Variants in POLD3 observed in about 807,000 individuals in gnomAD.
POLD3 encodes the protein DNA polymerase delta 3, accessory subunit, also known as DNA polymerase delta subunit 3.
A neutral mutation model predicts 58.2 loss-of-function variants in POLD3; 19 were observed. The observed-to-expected ratio is 0.33, with a 90% CI of 0.23 to 0.48. POLD3 has a LOEUF of 0.48. Among genes scored for constraint, POLD3 ranks in the 20% least tolerant of loss-of-function variants. The pLI is 0.99. For synonymous variants in POLD3, 172 were observed against 193.5 expected, an observed-to-expected ratio of 0.89 and a Z score of 0.92; for missense variants, 504 against 545.5, an observed-to-expected ratio of 0.92 and a Z score of 0.76.
At chr11:74,656,565 C>T (rs545414111) in intron 4 of POLD3, among the ~76,000 whole-genome samples, 44 of 151,100 alleles carry the variant, frequency 2.9e-4, no homozygotes, top group Non-Finnish European at 5.4e-4. Context: ...CCAGCCTGGA[C>T]GACAGAATGA....
At chr11:74,651,464 G>T (rs555304215) in intron 4 of POLD3, among the ~76,000 whole-genome samples, 1 of 152,134 alleles carries the variant, frequency 6.6e-6, no homozygotes, top group African/African-American at 2.4e-5. Flanking sequence ...GAAACAGAAC[G>T]TGCTCTCAAG....
chr11:74,648,356 T>G (rs1202803745), intron 4 of POLD3, among the ~76,000 whole-genome samples: 1 of 152,194 alleles, frequency 6.6e-6, no homozygotes, highest in Non-Finnish European at 1.5e-5. Flanking sequence ...ACATTTGAAC[T>G]CTAGTCTTTC....
In POLD3 at chr11:74,641,242, C is replaced by T. The variant is rs539905919; in HGVS notation, c.*476C>T. 7 of 985,416 alleles carry T rather than the reference C, an allele frequency of 7.1e-6. No homozygotes were observed. Among genetic ancestry groups the T allele is most frequent in the African/African-American group, 1.7e-5 (1 of 57,234 alleles). The allele number at this position is 985,416 out of a possible 1,614,324, so 61.0% of individuals were successfully genotyped here. A position where few individuals can be genotyped will look rare whatever the true frequency, so the allele number is the denominator to read the frequency against. Reference sequence around the variant, plus strand: ...TCTTCCTGCAGTACCACACTTCTGTCCCCTAACCTCCTGAGGCTGTTCTCT... The same window carrying T: ...TCTTCCTGCAGTACCACACTTCTGTTCCCTAACCTCCTGAGGCTGTTCTCT... On this transcript the variant is annotated 3_prime_UTR_variant, in exon 12 of 12. Transcript: ENST00000263681.
chr11:74,666,291 T>C (rs111466244), intron 4 of POLD3, among the ~76,000 whole-genome samples: 226 of 152,312 alleles, frequency 1.5e-3, no homozygotes, highest in African/African-American at 5.0e-3. Flanking sequence ...GCCTTTCCCA[T>C]CTTGTTTGTC....
chr11:74,660,237 C>T (rs2033188681), intron 4 of POLD3, among the ~76,000 whole-genome samples: 1 of 152,190 alleles, frequency 6.6e-6, no homozygotes. Flanking sequence ...ATTAAATTAT[C>T]TCCTCCTGGG....
intron 4 of POLD3, among the ~76,000 whole-genome samples, chr11:74,650,137 T>G (rs919510268): frequency 2.0e-5 from 3 of 152,226 alleles, no homozygotes; most frequent in African/African-American, 7.2e-5. Flanking sequence ...TTTTATTGTT[T>G]CAGAGTAATG....
intron 2 of POLD3, among the ~76,000 whole-genome samples, chr11:74,600,675 T>C (rs1158755870): frequency 1.3e-5 from 2 of 151,528 alleles, no homozygotes; most frequent in Non-Finnish European, 2.9e-5. Flanking sequence ...ATAAAACATG[T>C]TTTAAAGACT....
At chr11:74,660,332 G>C (rs979816557) in intron 4 of POLD3, among the ~76,000 whole-genome samples, 1 of 152,184 alleles carries the variant, frequency 6.6e-6, no homozygotes, top group South Asian at 2.1e-4. Context: ...TATCAGTATT[G>C]ATATCTTTCT....
rs1014975069 is a variant in POLD3, at chr11:74,641,787, C to T, written c.*1021C>T. On this transcript the variant is annotated 3_prime_UTR_variant, in exon 12 of 12. Transcript: ENST00000263681. Reference sequence around the variant, plus strand: ...CACATTTATTTATAAATGGATGTTGCTCCTTTGTATTTTTAGCTTCCCTAT... The same window carrying T: ...CACATTTATTTATAAATGGATGTTGTTCCTTTGTATTTTTAGCTTCCCTAT... 1.0e-6 allele frequency: 1 copy of T among 985,004 alleles called. No individual in the cohort carries two copies. The highest frequency in any genetic ancestry group is 1.7e-5 in the African/African-American group (1 of 57,344). The allele number at this position is 985,004 out of a possible 1,614,324, so 61.0% of individuals were successfully genotyped here. A position where few individuals can be genotyped will look rare whatever the true frequency, so the allele number is the denominator to read the frequency against.
intron 5 of POLD3, among the ~76,000 whole-genome samples, chr11:74,617,959 T>A (rs72977302): frequency 0.038 from 5,818 of 152,276 alleles, 167 homozygotes; most frequent in Non-Finnish European, 0.054. Context: ...GCTTAAGCGA[T>A]CCGCCCGCCT....
intron 5 of POLD3, among the ~76,000 whole-genome samples, chr11:74,616,550 A>G (rs2135145413): frequency 6.6e-6 from 1 of 152,360 alleles, no homozygotes. Flanking sequence ...GAAATAAAAC[A>G]TTACTCTTTT....
chr11:74,656,224 A>G (rs919044730), intron 4 of POLD3, among the ~76,000 whole-genome samples: 11 of 152,188 alleles, frequency 7.2e-5, no homozygotes, highest in African/African-American at 2.7e-4. Flanking sequence ...TAGCTATAAA[A>G]TTCCCTCTTA....
In POLD3 at chr11:74,594,263, G is replaced by A. The variant is rs114185410; in HGVS notation, c.116+147G>A. 1,623 of 610,420 alleles carry A rather than the reference G, an allele frequency of 2.7e-3. 17 individuals are homozygous for A. The African/African-American group carries it at 0.027, about 10-fold the overall frequency. The allele number at this position is 610,420 out of a possible 1,614,324, so 37.8% of individuals were successfully genotyped here. ...TTGGTATTTCTTGGCTTGTAGCTGCGTAATTCCAATCTCTGCCTTCATTGT... is the reference window on the plus strand; with the variant it reads ...TTGGTATTTCTTGGCTTGTAGCTGCATAATTCCAATCTCTGCCTTCATTGT... On this transcript the variant is annotated intron_variant, in intron 2 of 11. Coordinates refer to ENST00000263681, the MANE Select transcript of POLD3 (RefSeq NM_006591.3).
intron 8 of POLD3, among the ~76,000 whole-genome samples, chr11:74,625,871 T>TTGTGTGTGTG (rs56365420): frequency 0.12 from 17,720 of 143,362 alleles, 1,213 homozygotes; most frequent in Admixed American, 0.21. Context: ...GTGTGCCTAG[T>TTGTGTGTGTG]TGTGTGTGTG....
chr11:74,663,319 G>T (rs1024042259), intron 4 of POLD3, among the ~76,000 whole-genome samples: 3 of 152,226 alleles, frequency 2.0e-5, no homozygotes, highest in Non-Finnish European at 4.4e-5. Context: ...GGATCAATAG[G>T]TTCAAAGCAA....
chr11:74,658,550 A>G (rs954801610), intron 4 of POLD3, among the ~76,000 whole-genome samples: 6 of 152,304 alleles, frequency 3.9e-5, no homozygotes, highest in Admixed American at 3.9e-4. Context: ...CCTTCCACCT[A>G]TGAGCCTATA....
In POLD3 at chr11:74,641,387, G is replaced by T; in HGVS notation, c.*621G>T. On this transcript the variant is annotated 3_prime_UTR_variant, in exon 12 of 12. Transcript: ENST00000263681. ...CAGACCAGGACGTGGCTTGTGTTCT[G>T]TTCCTTTCACAAAAGCTCTCTGGGA... 1 of 985,374 alleles carries T rather than the reference G, an allele frequency of 1.0e-6. No homozygotes were observed. Among genetic ancestry groups the T allele is most frequent in the Non-Finnish European group, 1.2e-6 (1 of 829,928 alleles). 61.0% of individuals were successfully genotyped at this position (985,374 alleles called of 1,614,324 possible).
At position 74,600,243 on chromosome 11, in the gene POLD3, CTGT is replaced by C. The variant is rs971722586; in HGVS notation, c.117-4445_117-4443del. On this transcript the variant is annotated intron_variant, in intron 2 of 11. Transcript: ENST00000263681. ...ACAGGCATGAGCCACTGTGCCCAGC[CTGT>C]TGTCATTCTTATTTAAGAATATTTT... Among the ~76,000 whole-genome samples, 336 of 152,194 alleles carry C rather than the reference CTGT, an allele frequency of 2.2e-3. 2 individuals are homozygous for C. Among genetic ancestry groups the C allele is most frequent in the African/African-American group, 7.6e-3 (316 of 41,518 alleles).
At chr11:74,604,016 A>T (rs2031590739) in intron 2 of POLD3, among the ~76,000 whole-genome samples, 1 of 152,232 alleles carries the variant, frequency 6.6e-6, no homozygotes, top group Non-Finnish European at 1.5e-5. Context: ...ATTATTCTGA[A>T]TACTGGGCAA....
Sources: allele counts gnomAD v4.1 joint callset (sites outside exome capture counted in the v4.1 genomes callset), GRCh38; gene constraint gnomAD v4.1.1; transcripts MANE v1.5; gene names NCBI Gene and HGNC (gene_info 2026-07-23, HGNC 2026-07-21).